Variants in TMEM26 observed in about 807,000 individuals in gnomAD.
TMEM26 encodes the protein transmembrane protein 26.
Under a neutral mutation model 28.8 loss-of-function variants are expected in TMEM26, and 38 were observed. That is an observed-to-expected ratio of 1.32 (90% CI 1.02 to 1.73). The LOEUF is 1.73. Among genes scored for constraint, TMEM26 ranks in the 40% most tolerant of loss-of-function variants. TMEM26 has a pLI of 0.00. For synonymous variants in TMEM26, 227 were observed against 182.9 expected, an observed-to-expected ratio of 1.24 and a Z score of -1.95; for missense variants, 518 against 447.1, an observed-to-expected ratio of 1.16 and a Z score of -1.43.
At chr10:61,423,791 G>T (rs760653229) in intron 4 of TMEM26, among the ~76,000 whole-genome samples, 3 of 152,062 alleles carry the variant, frequency 2.0e-5, no homozygotes, top group Non-Finnish European at 4.4e-5. Flanking sequence ...GGAAGTCAAG[G>T]TTGGTTTAAT....
chr10:61,411,838 C>A (rs531466591), intron 5 of TMEM26, among the ~76,000 whole-genome samples: 2 of 152,300 alleles, frequency 1.3e-5, no homozygotes, highest in East Asian at 3.9e-4. Flanking sequence ...CTGGAGCCTG[C>A]AAATATTATG....
At chr10:61,437,936 A>G (rs1840034999) in intron 1 of TMEM26, among the ~76,000 whole-genome samples, 1 of 152,214 alleles carries the variant, frequency 6.6e-6, no homozygotes, top group African/African-American at 2.4e-5. Context: ...GAAAATAGAC[A>G]TGTTAATTGC....
At chr10:61,411,636 TCA>T (rs1839571293) in intron 5 of TMEM26, among the ~76,000 whole-genome samples, 3 of 152,252 alleles carry the variant, frequency 2.0e-5, no homozygotes, top group South Asian at 4.1e-4. Flanking sequence ...GTGCTTTGTT[TCA>T]CAGTTTACAA....
Position 61,429,039 on chromosome 10 carries a change from G to C in TMEM26, c.492C>G (p.Pro164=). 1 of 1,613,236 alleles carries C rather than the reference G, an allele frequency of 6.2e-7. No individual in the cohort carries two copies. Among genetic ancestry groups the C allele is most frequent in the South Asian group, 1.1e-5 (1 of 91,056 alleles). The part of the protein sequence containing the change: ...LMLIIGRWLL[P]IGGGITRDQL... ...GATCTCGAGTGATCCCGCCTCCAAT[G>C]GGTAGAAGCCATCTTCCAATTATTA... Residue 164 remains proline (P), a synonymous_variant, in exon 4 of 6, where the codon CCC becomes CCG. Transcript: ENST00000399298.
intron 1 of TMEM26, among the ~76,000 whole-genome samples, chr10:61,446,222 G>A (rs1302662672): frequency 1.3e-5 from 2 of 152,144 alleles, no homozygotes; most frequent in African/African-American, 4.8e-5. Flanking sequence ...AATTTTTGAA[G>A]AAGACTCTTG....
At chr10:61,416,050 T>C in intron 4 of TMEM26, 1 of 447,214 alleles carries the variant, frequency 2.2e-6, no homozygotes, top group East Asian at 7.1e-5. Context: ...TTTCTAATAA[T>C]ATTACCTCAA....
chr10:61,446,254 A>G (rs577266120), intron 1 of TMEM26, among the ~76,000 whole-genome samples: 1 of 152,352 alleles, frequency 6.6e-6, no homozygotes, highest in Admixed American at 6.5e-5. Flanking sequence ...GACTTGGATT[A>G]CTAAGAACAA....
At chr10:61,434,822 T>A (rs1396846746) in intron 2 of TMEM26, among the ~76,000 whole-genome samples, 1 of 152,202 alleles carries the variant, frequency 6.6e-6, no homozygotes, top group African/African-American at 2.4e-5. Flanking sequence ...GATAAGGTTA[T>A]ATATTGGAGG....
At chr10:61,434,664 T>C (rs947308261) in intron 2 of TMEM26, among the ~76,000 whole-genome samples, 1 of 152,232 alleles carries the variant, frequency 6.6e-6, no homozygotes, top group African/African-American at 2.4e-5. Context: ...ATAGCCTATA[T>C]GACTTTGGTG....
At chr10:61,437,779 G>A (rs997494477) in intron 1 of TMEM26, among the ~76,000 whole-genome samples, 15 of 152,152 alleles carry the variant, frequency 9.9e-5, no homozygotes, top group East Asian at 1.9e-4. Context: ...GCAAGACTCC[G>A]TCTCAAGAAA....
At chr10:61,448,232 T>G (rs1840218344) in intron 1 of TMEM26, among the ~76,000 whole-genome samples, 1 of 152,262 alleles carries the variant, frequency 6.6e-6, no homozygotes, top group South Asian at 2.1e-4. Context: ...CCATTCTTCC[T>G]GTGACAGCTC....
In TMEM26 at chr10:61,410,440, G is replaced by T; in HGVS notation, c.989C>A (p.Ala330Glu). 1 of 1,614,110 alleles carries T rather than the reference G, an allele frequency of 6.2e-7. No homozygotes were observed. Among genetic ancestry groups the T allele is most frequent in the Non-Finnish European group, 8.5e-7 (1 of 1,180,032 alleles). Reference sequence around the variant, plus strand: ...AGAGGGCCCACTCTCAGAGGTCTGTGCCCGGCAACCATGTTCTCCTTTCAG... The same window carrying T: ...AGAGGGCCCACTCTCAGAGGTCTGTTCCCGGCAACCATGTTCTCCTTTCAG... Reference protein sequence around the residue: ...EGLKGEHGCRAQTSESGPSQR... With the variant: ...EGLKGEHGCREQTSESGPSQR... The change falls in exon 6 of 6, where the codon GCA (alanine) becomes GAA (glutamate). Residue 330 changes from alanine to glutamate, a missense_variant. Transcript: ENST00000399298.
chr10:61,413,349 T>C lies in TMEM26; in HGVS notation c.682+110A>G, dbSNP rs576632447. On this transcript the variant is annotated intron_variant, in intron 5 of 5. Coordinates refer to ENST00000399298, the MANE Select transcript of TMEM26 (RefSeq NM_178505.8). Reference sequence around the variant, plus strand: ...TCCTTCTAAGCTGAACTAGAACTAATATTGGGATACAGACATGATAATCCT... The same window carrying C: ...TCCTTCTAAGCTGAACTAGAACTAACATTGGGATACAGACATGATAATCCT... The C allele has an allele frequency of 1.2e-5, 18 of 1,479,084 alleles. No homozygotes were observed. The African/African-American group carries it at 2.0e-4, about 16-fold the overall frequency. 91.6% of individuals were successfully genotyped at this position (1,479,084 alleles called of 1,614,324 possible). A position where few individuals can be genotyped will look rare whatever the true frequency, so the allele number is the denominator to read the frequency against.
chr10:61,431,070 A>C, intron 3 of TMEM26, 149 bp downstream of exon 3: 1 of 594,640 alleles, frequency 1.7e-6, no homozygotes, highest in Admixed American at 3.2e-5. Context: ...TAATTTAAAA[A>C]TATAATTATT....
At chr10:61,426,490 CTT>C (rs1839835296) in intron 4 of TMEM26, among the ~76,000 whole-genome samples, 1 of 151,992 alleles carries the variant, frequency 6.6e-6, no homozygotes, top group Non-Finnish European at 1.5e-5. Flanking sequence ...ATCCATAAAA[CTT>C]AGGTAGATGA....
intron 1 of TMEM26, among the ~76,000 whole-genome samples, chr10:61,440,836 C>T (rs140062114): frequency 1.8e-4 from 27 of 152,292 alleles, no homozygotes; most frequent in African/African-American, 6.0e-4. Flanking sequence ...GTGCAGTCAT[C>T]CCTTAGTATC....
At position 61,409,134 on chromosome 10, in the gene TMEM26, A is replaced by G. The variant is rs529015315; in HGVS notation, c.*1188T>C. On this transcript the variant is annotated 3_prime_UTR_variant, in exon 6 of 6. Coordinates refer to ENST00000399298, the MANE Select transcript of TMEM26 (RefSeq NM_178505.8). ...TCACACTGTATCTTTAAAGGCAAAA[A>G]TCACTTTAAAAGGTTCTGAATCACC... 1 of 152,356 alleles carries G rather than the reference A, an allele frequency of 6.6e-6. No homozygotes were observed. Among genetic ancestry groups the G allele is most frequent in the Non-Finnish European group, 1.5e-5 (1 of 68,026 alleles). 9.4% of individuals were successfully genotyped at this position (152,356 alleles called of 1,614,324 possible). A position where few individuals can be genotyped will look rare whatever the true frequency, so the allele number is the denominator to read the frequency against.
intron 2 of TMEM26, among the ~76,000 whole-genome samples, chr10:61,434,143 A>C (rs1839965482): frequency 7.2e-5 from 11 of 152,076 alleles, no homozygotes. Flanking sequence ...CAATTCCAAT[A>C]CTTTTTTTCT....
At chr10:61,425,211 A>G (rs949613626) in intron 4 of TMEM26, among the ~76,000 whole-genome samples, 1 of 152,104 alleles carries the variant, frequency 6.6e-6, no homozygotes, top group African/African-American at 2.4e-5. Context: ...AGACTCATTC[A>G]CTATCACAAG....
Sources: allele counts gnomAD v4.1 joint callset (sites outside exome capture counted in the v4.1 genomes callset), GRCh38; gene constraint gnomAD v4.1.1; transcripts MANE v1.5; gene names NCBI Gene and HGNC (gene_info 2026-07-23, HGNC 2026-07-21).